The following SETBP1 variants were observed in gnomAD, a reference collection of about 807,000 sequenced individuals.
SETBP1 encodes the protein SET-binding protein.
SETBP1 carries 9 observed loss-of-function variants against 101.0 expected under a neutral mutation model. That is an observed-to-expected ratio of 0.09 (90% CI 0.05 to 0.16). The LOEUF (loss-of-function observed/expected upper bound fraction) is 0.16, where lower values mean the gene tolerates loss of function less well. Among genes scored for constraint, SETBP1 ranks in the 10% least tolerant of loss-of-function variants. The pLI, the probability that SETBP1 is intolerant of heterozygous loss-of-function variation, is 1.00. For missense variants in SETBP1, 1,858 were observed against 2,033.8 expected, an observed-to-expected ratio of 0.91 and a Z score of 1.66; for synonymous variants, 818 against 788.5, an observed-to-expected ratio of 1.04 and a Z score of -0.63.
chr18:44,786,043 G>C (rs2071233040), intron 2 of SETBP1, among the ~76,000 whole-genome samples: 1 of 151,962 alleles, frequency 6.6e-6, no homozygotes. Flanking sequence ...TCTTCCTCTA[G>C]TTCATTTCTA....
intron 3 of SETBP1, among the ~76,000 whole-genome samples, chr18:44,940,704 A>G (rs904622031): frequency 6.6e-6 from 1 of 152,190 alleles, no homozygotes; most frequent in Non-Finnish European, 1.5e-5. Flanking sequence ...TACAAATGTC[A>G]TAAATCCTAA....
chr18:44,701,644 G>A lies in SETBP1; in HGVS notation c.298G>A (p.Glu100Lys), dbSNP rs767349461. The change falls in exon 2 of 6, where the codon GAG becomes AAG. Residue 100 changes from glutamate to lysine, a missense_variant. Coordinates refer to ENST00000649279, the MANE Select transcript of SETBP1 (RefSeq NM_015559.3). ...EFSIKEANFT[E>K]GSLKLKIQTT... The stretch of plus-strand genomic sequence containing the variant: ...TTCTATCAAGGAGGCAAACTTCACA[G>A]AGGGAAGTCTGAAGCTAAAGATTCA... 1.9e-6 allele frequency: 3 copies of A among 1,614,136 alleles called. No individual in the cohort carries two copies. The highest frequency in any genetic ancestry group is 1.1e-5 in the South Asian group (1 of 91,090).
rs1436351654 is a variant in SETBP1 at position 45,027,402 on chromosome 18, T to C, written c.4001-11083T>C. Among the ~76,000 whole-genome samples, 4 of 152,180 alleles carry C rather than the reference T, an allele frequency of 2.6e-5. No individual in the cohort carries two copies. The East Asian group carries it at 7.7e-4, about 29-fold the overall frequency. On this transcript the variant is annotated intron_variant, in intron 4 of 5. Coordinates refer to ENST00000649279, the MANE Select transcript of SETBP1 (RefSeq NM_015559.3). ...CATCTAACTATCATGGGGAAGAGCT[T>C]GCAATAACCCAATGTCTCATGATTT...
chr18:44,957,151 C>G (rs1416354758), intron 4 of SETBP1, among the ~76,000 whole-genome samples: 1 of 152,146 alleles, frequency 6.6e-6, no homozygotes, highest in East Asian at 1.9e-4. Flanking sequence ...CTCTTGCACA[C>G]TAACATTTAG....
At chr18:44,776,368 G>GC (rs988499609) in intron 2 of SETBP1, among the ~76,000 whole-genome samples, 12 of 151,926 alleles carry the variant, frequency 7.9e-5, no homozygotes, top group Admixed American at 3.3e-4. Flanking sequence ...AGGCTAGATT[G>GC]TTTTTTTTCT....
chr18:44,913,024 C>T (rs556948577), intron 3 of SETBP1, among the ~76,000 whole-genome samples: 1 of 152,314 alleles, frequency 6.6e-6, no homozygotes, highest in East Asian at 1.9e-4. Context: ...ACCACAAGTT[C>T]TGGAGCTAGG....
At chr18:44,680,744 C>A (rs977401006), upstream of SETBP1, among the ~76,000 whole-genome samples, 1 of 152,044 alleles carries the variant, frequency 6.6e-6, no homozygotes, top group Non-Finnish European at 1.5e-5. Flanking sequence ...GATCTACCCC[C>A]CCTCCGCCCC....
In SETBP1 at chr18:44,693,529, G is replaced by C. The variant is rs182054203; in HGVS notation, c.-172-7646G>C. On this transcript the variant is annotated intron_variant, in intron 1 of 5. Transcript: ENST00000649279. ...GTAATGAAGAAGTCTAACTCCAGGG[G>C]AGCAAGAGGAAGATTCCAGGTGCAT... Among the ~76,000 whole-genome samples, 206 of 152,242 alleles carry C rather than the reference G, an allele frequency of 1.4e-3. 3 individuals carry two copies. The highest frequency in any genetic ancestry group is 8.7e-3 in the South Asian group (42 of 4,822).
intron 2 of SETBP1, among the ~76,000 whole-genome samples, chr18:44,768,429 G>A (rs1421225529): frequency 6.6e-6 from 1 of 152,176 alleles, no homozygotes; most frequent in Non-Finnish European, 1.5e-5. Context: ...TATGTCGTGT[G>A]TGGCAGAGCT....
At chr18:44,935,102 A>AGTCT (rs111575627) in intron 3 of SETBP1, among the ~76,000 whole-genome samples, 4 of 151,490 alleles carry the variant, frequency 2.6e-5, no homozygotes, top group East Asian at 1.9e-4. Context: ...CCACAAGGCC[A>AGTCT]GTCATCCTGG....
chr18:44,760,731 T>C (rs1004401757), intron 2 of SETBP1, among the ~76,000 whole-genome samples: 2 of 152,242 alleles, frequency 1.3e-5, no homozygotes, highest in Non-Finnish European at 2.9e-5. Flanking sequence ...TTGATTTTTT[T>C]ATAAGATGGG....
At chr18:45,033,477 A>C (rs1229754068) in intron 4 of SETBP1, among the ~76,000 whole-genome samples, 1 of 152,140 alleles carries the variant, frequency 6.6e-6, no homozygotes, top group Non-Finnish European at 1.5e-5. Flanking sequence ...AAGCTTAAAA[A>C]CCACTAACTG....
chr18:45,050,409 T>C (rs1179276382), intron 5 of SETBP1, among the ~76,000 whole-genome samples: 1 of 152,194 alleles, frequency 6.6e-6, no homozygotes, highest in Non-Finnish European at 1.5e-5. Flanking sequence ...TTAATGTCCA[T>C]TGGAACTAAC....
At position 44,854,520 on chromosome 18, in the gene SETBP1, TC is replaced by T. The variant is rs374193380; in HGVS notation, c.487-14707del. On this transcript the variant is annotated intron_variant, in intron 2 of 5. Transcript: ENST00000649279. Reference sequence around the variant, plus strand: ...GTGTGTTAGTGTTCTGCATTGAGGCTCCCAGCACTGAGCCAAACCAAGATGT... The same window carrying T: ...GTGTGTTAGTGTTCTGCATTGAGGCTCCAGCACTGAGCCAAACCAAGATGT... 5.2e-3 allele frequency among the ~76,000 whole-genome samples: 791 copies of T among 152,298 alleles called. 8 individuals are homozygous for T. Among genetic ancestry groups the T allele is most frequent in the African/African-American group, 0.018 (734 of 41,566 alleles).
intron 2 of SETBP1, among the ~76,000 whole-genome samples, chr18:44,720,812 T>C (rs1280806676): frequency 6.6e-6 from 1 of 151,990 alleles, no homozygotes; most frequent in African/African-American, 2.4e-5. Context: ...AGAGTTGACC[T>C]GGAAAATCTG....
At chr18:44,814,073 C>T (rs2071922584) in intron 2 of SETBP1, among the ~76,000 whole-genome samples, 1 of 152,076 alleles carries the variant, frequency 6.6e-6, no homozygotes, top group Non-Finnish European at 1.5e-5. Flanking sequence ...CAAAAAATAA[C>T]CTGAGAATGT....
intron 2 of SETBP1, among the ~76,000 whole-genome samples, chr18:44,769,778 G>A (rs1315126121): frequency 1.3e-5 from 2 of 152,204 alleles, no homozygotes; most frequent in Non-Finnish European, 2.9e-5. Context: ...GCCATGGAGG[G>A]AAAAGGCAGA....
At position 45,063,154 on chromosome 18, in the gene SETBP1, A is replaced by G. The variant is rs1268331067; in HGVS notation, c.4247A>G (p.Asn1416Ser). 6 of 1,613,890 alleles carry G rather than the reference A, an allele frequency of 3.7e-6. No individual in the cohort carries two copies. The South Asian group carries it at 4.4e-5, about 12-fold the overall frequency. The change falls in exon 6 of 6, where the codon AAC becomes AGC. Residue 1416 changes from asparagine (N) to serine (S), a missense_variant. By Grantham distance (46) the Asn-to-Ser change is conservative (BLOSUM62 1). Coordinates refer to ENST00000649279, the MANE Select transcript of SETBP1 (RefSeq NM_015559.3). ...AIQCEVRKMC[N>S]YTKILSTKKN... ...CAGTGCGAAGTGCGGAAGATGTGCA[A>G]CTACACCAAGATCCTGTCCACCAAG...
At chr18:44,812,834 G>A (rs150070233) in intron 2 of SETBP1, among the ~76,000 whole-genome samples, 1 of 152,232 alleles carries the variant, frequency 6.6e-6, no homozygotes, top group East Asian at 1.9e-4. Flanking sequence ...GGGCTAAAAT[G>A]TGAGAAAATG....
Sources: allele counts gnomAD v4.1 joint callset (sites outside exome capture counted in the v4.1 genomes callset), GRCh38; gene constraint gnomAD v4.1.1; transcripts MANE v1.5; gene names NCBI Gene and HGNC (gene_info 2026-07-23, HGNC 2026-07-21).